Variants in TENM3 observed in about 807,000 individuals in gnomAD.
TENM3 encodes teneurin-3.
A neutral mutation model predicts 255.1 loss-of-function variants in TENM3; 63 were observed. The ratio of observed to expected loss-of-function variants is 0.25; its 90% CI spans 0.20 to 0.30. The LOEUF (loss-of-function observed/expected upper bound fraction) is 0.30, where lower values mean the gene tolerates loss of function less well. TENM3 is among the 10% of genes least tolerant of loss of function. The pLI is 1.00. For synonymous variants in TENM3, 1,306 were observed against 1,322.3 expected, an observed-to-expected ratio of 0.99 and a Z score of 0.27; for missense variants, 2,929 against 3,461.1, an observed-to-expected ratio of 0.85 and a Z score of 3.86.
At chr4:181,537,464 A>G in the TENM3 span, among the ~76,000 whole-genome samples, 3 of 152,188 alleles carry the variant, frequency 2.0e-5, no homozygotes, top group African/African-American at 7.2e-5. Context: ...AACTCATTGA[A>G]ATAAGGGTTA....
chr4:182,679,997 G>A, intron 8 of TENM3, 121 bp downstream of exon 8: 2 of 876,726 alleles, frequency 2.3e-6, no homozygotes, highest in Non-Finnish European at 3.5e-6. Context: ...CAGGTAAAAT[G>A]TGAGAATTAT....
At chr4:182,315,055 T>G (rs1425642162) in intron 1 of TENM3, among the ~76,000 whole-genome samples, 5 of 152,226 alleles carry the variant, frequency 3.3e-5, no homozygotes, top group Non-Finnish European at 7.3e-5. Context: ...AATAGTGTAC[T>G]TCTGCATGTC....
the TENM3 span, among the ~76,000 whole-genome samples, chr4:182,138,530 C>A: frequency 6.6e-6 from 1 of 152,138 alleles, no homozygotes; most frequent in Non-Finnish European, 1.5e-5. Context: ...CCTGAGCAGA[C>A]AGGAACAAAC....
At chr4:181,797,144 G>GT in the TENM3 span, among the ~76,000 whole-genome samples, 410 of 146,722 alleles carry the variant, frequency 2.8e-3, 2 homozygotes, top group African/African-American at 8.5e-3. Context: ...AAAAGGGAGG[G>GT]TTTTTTTTTT....
chr4:182,113,073 A>G, the TENM3 span, among the ~76,000 whole-genome samples: 1 of 152,250 alleles, frequency 6.6e-6, no homozygotes, highest in African/African-American at 2.4e-5. Context: ...TCTGAAGGTT[A>G]AGACACATTT....
chr4:181,483,727 G>A, the TENM3 span, among the ~76,000 whole-genome samples: 1 of 152,100 alleles, frequency 6.6e-6, no homozygotes, highest in Admixed American at 6.6e-5. Flanking sequence ...GAAAGACCAT[G>A]CAGTGGTATC....
chr4:182,691,249 C>T (rs747178877), intron 12 of TENM3, among the ~76,000 whole-genome samples: 22 of 152,246 alleles, frequency 1.4e-4, no homozygotes, highest in Admixed American at 9.8e-4. Context: ...TTAACCCCTA[C>T]GCATCTGGCT....
At chr4:182,004,506 G>C in the TENM3 span, among the ~76,000 whole-genome samples, 7 of 152,098 alleles carry the variant, frequency 4.6e-5, no homozygotes, top group Admixed American at 3.3e-4. Flanking sequence ...CCATGTCTTT[G>C]CTATTGCAAA....
intron 3 of TENM3, among the ~76,000 whole-genome samples, chr4:182,538,338 A>G (rs146520558): frequency 6.6e-6 from 1 of 152,330 alleles, no homozygotes; most frequent in African/African-American, 2.4e-5. Flanking sequence ...TGATCACACA[A>G]ATAAATGTCA....
intron 3 of TENM3, among the ~76,000 whole-genome samples, chr4:182,416,075 C>T (rs1234458829): frequency 6.6e-6 from 1 of 152,022 alleles, no homozygotes; most frequent in Non-Finnish European, 1.5e-5. Flanking sequence ...TTTTAGAATC[C>T]CTATGGTTAG....
the TENM3 span, among the ~76,000 whole-genome samples, chr4:181,781,341 C>T: frequency 1.3e-5 from 2 of 152,064 alleles, no homozygotes; most frequent in Admixed American, 1.3e-4. Context: ...CCTTCACATC[C>T]CTTGTAAGTT....
chr4:182,173,750 A>C (rs1752259367), intron 1 of TENM3, among the ~76,000 whole-genome samples: 1 of 152,156 alleles, frequency 6.6e-6, no homozygotes, highest in South Asian at 2.1e-4. Context: ...AATAGAGAAA[A>C]ATCACATATA....
At chr4:181,587,695 G>GT in the TENM3 span, among the ~76,000 whole-genome samples, 1 of 152,158 alleles carries the variant, frequency 6.6e-6, no homozygotes, top group Non-Finnish European at 1.5e-5. Flanking sequence ...TAAGTTGAAT[G>GT]TTGAGGATTT....
chr4:181,813,212 T>C, the TENM3 span, among the ~76,000 whole-genome samples: 4 of 152,038 alleles, frequency 2.6e-5, no homozygotes. Context: ...TTCTCTCTTG[T>C]AAGGGTAGCA....
intron 6 of TENM3, among the ~76,000 whole-genome samples, chr4:182,654,521 C>CTGTG (rs145616135): frequency 2.0e-5 from 3 of 150,656 alleles, no homozygotes; most frequent in Admixed American, 6.6e-5. Context: ...TATATTATTT[C>CTGTG]TGTGTGTGTG....
chr4:181,565,588 A>G, the TENM3 span, among the ~76,000 whole-genome samples: 5 of 152,244 alleles, frequency 3.3e-5, no homozygotes, highest in African/African-American at 1.2e-4. Flanking sequence ...CAAAAGCTGA[A>G]GGGTGAGTAT....
chr4:181,891,869 G>A, the TENM3 span, among the ~76,000 whole-genome samples: 3 of 152,096 alleles, frequency 2.0e-5, no homozygotes, highest in African/African-American at 7.2e-5. Flanking sequence ...TGGCGGAAAG[G>A]GGAGAGGTTG....
the TENM3 span, among the ~76,000 whole-genome samples, chr4:181,691,242 T>C: frequency 1.3e-5 from 2 of 151,720 alleles, no homozygotes; most frequent in Non-Finnish European, 2.9e-5. Flanking sequence ...ATCTTGTGTG[T>C]GTGTGTGTGT....
intron 1 of TENM3, among the ~76,000 whole-genome samples, chr4:182,165,031 C>T (rs1020610624): frequency 6.6e-6 from 1 of 152,064 alleles, no homozygotes; most frequent in African/African-American, 2.4e-5. Context: ...AGGATTTTGC[C>T]CCAAACTAAT....
Sources: gnomAD v4.1 joint callset for allele counts (sites outside exome capture counted in the v4.1 genomes callset) on GRCh38, gnomAD v4.1.1 for gene constraint, MANE v1.5 for transcripts, NCBI Gene and HGNC (gene_info 2026-07-23, HGNC 2026-07-21) for gene names.